The following C7orf33 variants were observed in gnomAD, a reference collection of about 807,000 sequenced individuals.
C7orf33 encodes the protein uncharacterized protein C7orf33.
C7orf33 carries 15 observed loss-of-function variants against 13.4 expected under a neutral mutation model. That is an observed-to-expected ratio of 1.12 (90% CI 0.75 to 1.72). The LOEUF (loss-of-function observed/expected upper bound fraction) is 1.72, where lower values mean the gene tolerates loss of function less well. C7orf33 is among the 40% of genes most tolerant of loss of function. The pLI is 0.00. For missense variants in C7orf33, 187 were observed against 220.3 expected, an observed-to-expected ratio of 0.85 and a Z score of 0.96; for synonymous variants, 73 against 83.2, an observed-to-expected ratio of 0.88 and a Z score of 0.67.
chr7:148,607,036 T>C (rs1348453395), intron 1 of C7orf33, among the ~76,000 whole-genome samples: 4 of 149,912 alleles, frequency 2.7e-5, no homozygotes, highest in Admixed American at 2.6e-4. Flanking sequence ...GTAGTTCTCA[T>C]GGCAGACACC....
intron 1 of C7orf33, among the ~76,000 whole-genome samples, chr7:148,598,044 G>C (rs1202251132): frequency 1.3e-5 from 2 of 152,104 alleles, no homozygotes; most frequent in Non-Finnish European, 2.9e-5. Flanking sequence ...AGTGAGCCAC[G>C]GCGCCCAGCC....
rs765616367 is a variant in C7orf33, at chr7:148,614,377, G to A, written c.459+81G>A. 1.1e-4 allele frequency: 159 copies of A among 1,448,962 alleles called. 1 individual carries two copies. Among genetic ancestry groups the A allele is most frequent in the Non-Finnish European group, 1.4e-4 (152 of 1,056,732 alleles). The allele number at this position is 1,448,962 out of a possible 1,614,324, so 89.8% of individuals were successfully genotyped here. A position where few individuals can be genotyped will look rare whatever the true frequency, so the allele number is the denominator to read the frequency against. The stretch of plus-strand genomic sequence containing the variant: ...TGAAACTTCCATGAAAATGAAGATT[G>A]GAGGGATTGTTGCATTCTTGCATGC... On this transcript the variant is annotated intron_variant, in intron 2 of 2. Coordinates refer to ENST00000307003, the MANE Select transcript of C7orf33 (RefSeq NM_145304.4).
At position 148,615,791 on chromosome 7, in the gene C7orf33, A is replaced by G. The variant is rs991778499; in HGVS notation, c.*390A>G. 5.9e-6 allele frequency: 1 copy of G among 168,536 alleles called. No homozygotes were observed. Among genetic ancestry groups the G allele is most frequent in the African/African-American group, 2.4e-5 (1 of 42,190 alleles). 10.4% of individuals were successfully genotyped at this position (168,536 alleles called of 1,614,324 possible). On this transcript the variant is annotated 3_prime_UTR_variant, in exon 3 of 3. Transcript: ENST00000307003. ...TTACAACTGAAACACACTGTCATTT[A>G]TGATATTATTTGTAATATCTGGTAT...
chr7:148,596,352 C>T (rs1796338537), intron 1 of C7orf33, among the ~76,000 whole-genome samples: 1 of 152,162 alleles, frequency 6.6e-6, no homozygotes, highest in South Asian at 2.1e-4. Flanking sequence ...TGGACAAATA[C>T]ATAAGGTCAT....
intron 1 of C7orf33, among the ~76,000 whole-genome samples, chr7:148,603,864 T>G (rs1234655385): frequency 6.6e-6 from 1 of 152,120 alleles, no homozygotes; most frequent in Non-Finnish European, 1.5e-5. Context: ...CAAGACACTT[T>G]ATAGAACTAC....
chr7:148,606,933 T>TACACACACAAACAC (rs1554449222), intron 1 of C7orf33, among the ~76,000 whole-genome samples: 2 of 139,232 alleles, frequency 1.4e-5, no homozygotes, highest in African/African-American at 5.3e-5. Flanking sequence ...AAAAAAAAAA[T>TACACACACAAACAC]ACACACACAC....
chr7:148,595,750 A>T (rs1390269824), intron 1 of C7orf33, among the ~76,000 whole-genome samples: 5 of 138,832 alleles, frequency 3.6e-5, no homozygotes, highest in South Asian at 4.3e-4. Flanking sequence ...ATATAGATAT[A>T]ATATATATAT....
intron 1 of C7orf33, among the ~76,000 whole-genome samples, chr7:148,599,810 T>C (rs1796392631): frequency 6.6e-6 from 1 of 152,172 alleles, no homozygotes; most frequent in Admixed American, 6.5e-5. Context: ...CCCTGGAATG[T>C]GGGTGGCTGT....
chr7:148,605,647 A>G (rs1796464351), intron 1 of C7orf33, among the ~76,000 whole-genome samples: 1 of 152,096 alleles, frequency 6.6e-6, no homozygotes, highest in Non-Finnish European at 1.5e-5. Context: ...TCTCATATTC[A>G]CCAGAACCAG....
chr7:148,590,977 C>G lies in C7orf33; in HGVS notation c.52C>G (p.Pro18Ala), dbSNP rs1461629651. ...CCTTGAAGAGTGTCCCTGGAGACTT[C>G]CAGGCCCCCAATGTGAATGTGAAGC... is the stretch of plus-strand genomic sequence containing the variant. ...LSLEECPWRL[P>A]GPQCECEALL... is the part of the protein sequence containing the mutation. The change falls in exon 1 of 3, where the codon CCA becomes GCA. Residue 18 changes from proline to alanine, a missense_variant. By Grantham distance (27) the Pro-to-Ala change is conservative. Coordinates refer to ENST00000307003, the MANE Select transcript of C7orf33 (RefSeq NM_145304.4). 2 of 1,614,150 alleles carry G rather than the reference C, an allele frequency of 1.2e-6. No individual in the cohort carries two copies. Among genetic ancestry groups the G allele is most frequent in the South Asian group, 2.2e-5 (2 of 91,066 alleles).
intron 1 of C7orf33, among the ~76,000 whole-genome samples, chr7:148,599,117 C>A (rs1435579221): frequency 6.6e-6 from 1 of 152,030 alleles, no homozygotes; most frequent in African/African-American, 2.4e-5. Flanking sequence ...CCCACCTACG[C>A]CTCCCAAAGT....
chr7:148,610,350 A>G (rs1232302558), intron 1 of C7orf33, among the ~76,000 whole-genome samples: 1 of 152,160 alleles, frequency 6.6e-6, no homozygotes, highest in Non-Finnish European at 1.5e-5. Flanking sequence ...CAGCACAGCT[A>G]GAATATAGAG....
chr7:148,598,146 T>C (rs1796364448), intron 1 of C7orf33, among the ~76,000 whole-genome samples: 1 of 152,204 alleles, frequency 6.6e-6, no homozygotes, highest in Non-Finnish European at 1.5e-5. Flanking sequence ...AGTGGTATTA[T>C]ACACTGATTA....
intron 1 of C7orf33, among the ~76,000 whole-genome samples, chr7:148,598,681 CAT>C (rs201824578): frequency 0.03 from 4,166 of 139,854 alleles, 252 homozygotes; most frequent in African/African-American, 0.11. Context: ...CACACACACA[CAT>C]ACCTATATAT....
chr7:148,602,708 G>A (rs1261480150), intron 1 of C7orf33, among the ~76,000 whole-genome samples: 1 of 152,134 alleles, frequency 6.6e-6, no homozygotes, highest in African/African-American at 2.4e-5. Flanking sequence ...AAAAGTCATA[G>A]GAATTGGAAA....
chr7:148,600,827 G>T (rs1445247749), intron 1 of C7orf33, among the ~76,000 whole-genome samples: 1 of 134,928 alleles, frequency 7.4e-6, no homozygotes, highest in Admixed American at 7.4e-5. Context: ...TTTTGAGACG[G>T]AGTCTCGCTC....
At chr7:148,591,829 C>A (rs572050536) in intron 1 of C7orf33, among the ~76,000 whole-genome samples, 7 of 152,264 alleles carry the variant, frequency 4.6e-5, no homozygotes, top group African/African-American at 1.7e-4. Flanking sequence ...GATCCTCCCA[C>A]TTCAACATCC....
At position 148,598,611 on chromosome 7, in the gene C7orf33, C is replaced by T. The variant is rs185152343; in HGVS notation, c.204+7482C>T. Among the ~76,000 whole-genome samples the T allele has an allele frequency of 7.1e-4, 107 of 150,138 alleles. 1 individual carries two copies. The highest frequency in any genetic ancestry group is 9.4e-4 in the Admixed American group (14 of 14,934). On this transcript the variant is annotated intron_variant, in intron 1 of 2. Coordinates refer to ENST00000307003, the MANE Select transcript of C7orf33 (RefSeq NM_145304.4). ...TTCTTCCTTCTTATAGCAGAACTGG[C>T]GCTCTGCAAATAAGTGAACCTATAT...
chr7:148,598,388 C>G (rs1248107093), intron 1 of C7orf33, among the ~76,000 whole-genome samples: 2 of 151,976 alleles, frequency 1.3e-5, no homozygotes, highest in African/African-American at 2.4e-5. Context: ...CAGAAACATC[C>G]TGGTACGTGA....
Sources: gnomAD v4.1 joint callset for allele counts (sites outside exome capture counted in the v4.1 genomes callset) on GRCh38, gnomAD v4.1.1 for gene constraint, MANE v1.5 for transcripts, NCBI Gene and HGNC (gene_info 2026-07-23, HGNC 2026-07-21) for gene names.